Variants in DLG2 observed in about 807,000 individuals in gnomAD.
DLG2 encodes the protein discs large MAGUK scaffold protein 2.
Under a neutral mutation model 132.5 loss-of-function variants are expected in DLG2, and 45 were observed. The ratio of observed to expected loss-of-function variants is 0.34; its 90% CI spans 0.27 to 0.44. DLG2 has a LOEUF of 0.44. Among genes scored for constraint, DLG2 ranks in the 20% least tolerant of loss-of-function variants. The pLI, the probability that DLG2 is intolerant of heterozygous loss-of-function variation, is 1.00. For synonymous variants in DLG2, 424 were observed against 419.6 expected, an observed-to-expected ratio of 1.01 and a Z score of -0.13; for missense variants, 1,045 against 1,196.9, an observed-to-expected ratio of 0.87 and a Z score of 1.87.
intron 3 of DLG2, among the ~76,000 whole-genome samples, chr11:85,331,469 T>C (rs1484827159): frequency 6.6e-6 from 1 of 152,210 alleles, no homozygotes. Context: ...TATTTCTTTT[T>C]CAACTTTTAC....
chr11:85,140,668 C>A (rs997436152), intron 5 of DLG2, among the ~76,000 whole-genome samples: 6 of 151,434 alleles, frequency 4.0e-5, no homozygotes, highest in Non-Finnish European at 7.4e-5. Context: ...AATACTAGAT[C>A]TTATTCATTC....
chr11:85,553,172 T>C (rs1313849577), intron 3 of DLG2, among the ~76,000 whole-genome samples: 1 of 151,706 alleles, frequency 6.6e-6, no homozygotes, highest in African/African-American at 2.4e-5. Flanking sequence ...CTTGCCTTCA[T>C]GGAGATTACA....
At chr11:85,455,609 A>C (rs1434739347) in intron 3 of DLG2, among the ~76,000 whole-genome samples, 3 of 152,094 alleles carry the variant, frequency 2.0e-5, no homozygotes, top group Non-Finnish European at 4.4e-5. Flanking sequence ...TCTGGTTATC[A>C]AGGGGACCAC....
chr11:84,953,401 C>T (rs2051212925), intron 6 of DLG2, among the ~76,000 whole-genome samples: 1 of 152,084 alleles, frequency 6.6e-6, no homozygotes, highest in South Asian at 2.1e-4. Flanking sequence ...AATACTGTTC[C>T]CCCTGCCTTT....
At chr11:84,364,113 T>A (rs2098667486) in intron 7 of DLG2, among the ~76,000 whole-genome samples, 1 of 152,090 alleles carries the variant, frequency 6.6e-6, no homozygotes, top group Admixed American at 6.5e-5. Context: ...TATGGCAATT[T>A]TCACGATATT....
chr11:83,719,839 C>A (rs1005580226), intron 18 of DLG2, among the ~76,000 whole-genome samples: 3 of 152,152 alleles, frequency 2.0e-5, no homozygotes, highest in Admixed American at 2.0e-4. Context: ...GGTTCTTAAT[C>A]ATCAATGACA....
chr11:84,475,039 T>C (rs1319589990), intron 7 of DLG2, among the ~76,000 whole-genome samples: 1 of 152,134 alleles, frequency 6.6e-6, no homozygotes, highest in African/African-American at 2.4e-5. Context: ...AAAAATGACA[T>C]TTGCTATGAC....
intron 3 of DLG2, among the ~76,000 whole-genome samples, chr11:85,420,868 G>A (rs2090244615): frequency 6.6e-6 from 1 of 152,202 alleles, no homozygotes; most frequent in Non-Finnish European, 1.5e-5. Context: ...TTAGCTTGCT[G>A]GGCTCCCTGG....
intron 10 of DLG2, among the ~76,000 whole-genome samples, chr11:84,066,488 G>A (rs74656561): frequency 1.3e-5 from 2 of 152,166 alleles, no homozygotes; most frequent in Admixed American, 6.5e-5. Context: ...GGCCGGGAGC[G>A]ATGGCTTATG....
At chr11:85,040,159 G>T (rs2061736646) in intron 6 of DLG2, among the ~76,000 whole-genome samples, 1 of 151,794 alleles carries the variant, frequency 6.6e-6, no homozygotes, top group African/African-American at 2.4e-5. Flanking sequence ...CAAACCCTGG[G>T]TTGCATTTTC....
At chr11:84,423,684 G>C (rs931336480) in intron 7 of DLG2, among the ~76,000 whole-genome samples, 5 of 152,010 alleles carry the variant, frequency 3.3e-5, no homozygotes, top group African/African-American at 1.2e-4. Flanking sequence ...TTCATTTATA[G>C]ATTGTTTAGA....
At position 84,532,929 on chromosome 11, in the gene DLG2, C is replaced by G. The variant is rs539179458; in HGVS notation, c.519+1641G>C. Among the ~76,000 whole-genome samples the G allele has an allele frequency of 7.9e-5, 12 of 152,254 alleles. No homozygotes were observed. The South Asian group carries it at 2.3e-3, about 29-fold the overall frequency. ...AGTGGTTTGTAAACAGAGTAAGGAT[C>G]AGCAATTGTTAGAAAATATTAAAGA... On this transcript the variant is annotated intron_variant, in intron 7 of 27. Transcript: ENST00000376104.
At chr11:84,461,781 G>C (rs1391774209) in intron 7 of DLG2, among the ~76,000 whole-genome samples, 3 of 150,736 alleles carry the variant, frequency 2.0e-5, no homozygotes, top group African/African-American at 7.3e-5. Context: ...ATGGAGAAAG[G>C]TGCCAGTTTA....
At chr11:85,437,070 T>A (rs1208638509) in intron 3 of DLG2, among the ~76,000 whole-genome samples, 1 of 152,160 alleles carries the variant, frequency 6.6e-6, no homozygotes, top group Non-Finnish European at 1.5e-5. Context: ...AAACACAGTG[T>A]GTTCTCACTC....
chr11:85,472,995 G>T (rs1256897566), intron 3 of DLG2, among the ~76,000 whole-genome samples: 1 of 152,258 alleles, frequency 6.6e-6, no homozygotes, highest in East Asian at 1.9e-4. Flanking sequence ...TGCCTTTGGG[G>T]TTCTGTGGTT....
At chr11:84,502,056 CTTTT>C (rs1013104178) in intron 7 of DLG2, among the ~76,000 whole-genome samples, 1 of 151,468 alleles carries the variant, frequency 6.6e-6, no homozygotes, top group Non-Finnish European at 1.5e-5. Context: ...CTTTTCTTTT[CTTTT>C]TTTCTTTTCT....
At chr11:84,106,833 G>C (rs1265178087) in intron 9 of DLG2, among the ~76,000 whole-genome samples, 1 of 142,076 alleles carries the variant, frequency 7.0e-6, no homozygotes, top group Admixed American at 7.3e-5. Flanking sequence ...GTGTGTGTGT[G>C]TGTGTGTGTT....
chr11:85,105,911 G>C (rs549094982), intron 6 of DLG2, among the ~76,000 whole-genome samples: 1 of 151,056 alleles, frequency 6.6e-6, no homozygotes, highest in Non-Finnish European at 1.5e-5. Context: ...GCCATGGTCT[G>C]TGTATTTATG....
At chr11:83,589,185 T>C (rs2097144645) in intron 19 of DLG2, among the ~76,000 whole-genome samples, 1 of 151,166 alleles carries the variant, frequency 6.6e-6, no homozygotes, top group Non-Finnish European at 1.5e-5. Context: ...AGACACATAA[T>C]TGTCAGATTC....
Sources: allele counts gnomAD v4.1 joint callset (sites outside exome capture counted in the v4.1 genomes callset), GRCh38; gene constraint gnomAD v4.1.1; transcripts MANE v1.5; gene names NCBI Gene and HGNC (gene_info 2026-07-23, HGNC 2026-07-21).